The following MALRD1 variants were observed in gnomAD, a reference collection of about 807,000 sequenced individuals.
MALRD1 encodes the protein MAM and LDL receptor class A domain containing 1, also known as MAM and LDL-receptor class A domain-containing protein 1.
A neutral mutation model predicts 242.1 loss-of-function variants in MALRD1; 247 were observed. That is an observed-to-expected ratio of 1.02 (90% confidence interval 0.92 to 1.13). The LOEUF (loss-of-function observed/expected upper bound fraction) is 1.13, where lower values mean the gene tolerates loss of function less well. Ranked by LOEUF, MALRD1 falls within the 50% of genes most tolerant of loss-of-function variation. MALRD1 has a pLI of 0.00. For synonymous variants in MALRD1, 995 were observed against 866.6 expected (o/e 1.15, Z -2.60); for missense variants, 2,989 against 2,533.1 (o/e 1.18, Z -3.86).
intron 31 of MALRD1, among the ~76,000 whole-genome samples, chr10:19,511,095 AC>A (rs1339495022): frequency 6.6e-6 from 1 of 152,210 alleles, no homozygotes; most frequent in Non-Finnish European, 1.5e-5. Context: ...CTGATTTCTA[AC>A]CATAACTTTA....
chr10:19,617,195 C>G (rs559650178), intron 36 of MALRD1, among the ~76,000 whole-genome samples: 4 of 152,036 alleles, frequency 2.6e-5, no homozygotes, highest in African/African-American at 9.6e-5. Flanking sequence ...CTTGGCAACA[C>G]TCTCGTAGTC....
At chr10:19,456,079 C>A (rs563791512) in intron 29 of MALRD1, among the ~76,000 whole-genome samples, 1 of 152,022 alleles carries the variant, frequency 6.6e-6, no homozygotes, top group Non-Finnish European at 1.5e-5. Flanking sequence ...GAATGATGAC[C>A]AGTTTTCAGT....
At chr10:19,124,370 G>A (rs909213295) in intron 6 of MALRD1, among the ~76,000 whole-genome samples, 154 bp from the exon 7 acceptor site, 14 of 152,134 alleles carry the variant, frequency 9.2e-5, no homozygotes, top group Admixed American at 2.6e-4. Flanking sequence ...TGGTACACTC[G>A]AAGGCTTATT....
chr10:19,417,980 C>T lies in MALRD1; in HGVS notation c.4845+28371C>T, dbSNP rs193101106. Among the ~76,000 whole-genome samples the T allele has an allele frequency of 1.2e-3, 190 of 152,126 alleles. 1 individual carries two copies. The Middle Eastern group carries it at 0.017, about 14-fold the overall frequency. The stretch of plus-strand genomic sequence containing the variant: ...TACAACAGCAAACCACACATACACA[C>T]GCACACACACACACATACACACACC... On this transcript the variant is annotated intron_variant, in intron 28 of 39. Transcript: ENST00000454679.
intron 36 of MALRD1, among the ~76,000 whole-genome samples, chr10:19,662,293 T>C (rs1841478149): frequency 6.6e-6 from 1 of 152,124 alleles, no homozygotes; most frequent in Non-Finnish European, 1.5e-5. Context: ...TGAATGGAAG[T>C]TAAAGGACCT....
At chr10:19,387,997 G>A (rs1846157627) in intron 27 of MALRD1, among the ~76,000 whole-genome samples, 4 of 152,158 alleles carry the variant, frequency 2.6e-5, no homozygotes, top group Non-Finnish European at 5.9e-5. Context: ...CTGCATGCTG[G>A]AAGTTCAAGA....
At chr10:19,159,958 G>A (rs183128408) in intron 12 of MALRD1, among the ~76,000 whole-genome samples, 27 of 152,134 alleles carry the variant, frequency 1.8e-4, no homozygotes, top group Admixed American at 1.8e-3. Flanking sequence ...AATAATTGGA[G>A]CTTCCATTTT....
rs192089532 is a variant in MALRD1, at chr10:19,239,857, T to C, written c.2992-17827T>C. On this transcript the variant is annotated intron_variant, in intron 18 of 39. Coordinates refer to ENST00000454679, the MANE Select transcript of MALRD1 (RefSeq NM_001142308.3). Reference sequence around the variant, plus strand: ...CTGTATATTCTGTTCCATTGGTCTATGTGTTTGCTTTATGGCAGTGCCATG... The same window carrying C: ...CTGTATATTCTGTTCCATTGGTCTACGTGTTTGCTTTATGGCAGTGCCATG... Among the ~76,000 whole-genome samples, 8 of 152,292 alleles carry C rather than the reference T, an allele frequency of 5.3e-5. No individual in the cohort carries two copies. The East Asian group carries it at 9.6e-4, about 18-fold the overall frequency.
At chr10:19,299,052 G>A (rs76609605) in intron 21 of MALRD1, among the ~76,000 whole-genome samples, 7,041 of 151,838 alleles carry the variant, frequency 0.046, 283 homozygotes, top group African/African-American at 0.11. Context: ...CTACAAAAGA[G>A]ATGTCTACAA....
chr10:19,575,940 C>G (rs1836800919), intron 33 of MALRD1, among the ~76,000 whole-genome samples: 1 of 152,148 alleles, frequency 6.6e-6, no homozygotes, highest in African/African-American at 2.4e-5. Flanking sequence ...GTTGTCATTT[C>G]CAGAAAGATA....
In MALRD1 at chr10:19,513,505, C is replaced by T. The variant is rs185901652; in HGVS notation, c.5320+14859C>T. On this transcript the variant is annotated intron_variant, in intron 31 of 39. Transcript: ENST00000454679. ...CTGTAATCTCAGCACTTTGGGAGGC[C>T]GAGGCGGGCGGATCACGAGGTCAGG... is the stretch of plus-strand genomic sequence containing the variant. 2.4e-3 allele frequency among the ~76,000 whole-genome samples: 369 copies of T among 151,410 alleles called. 7 individuals are homozygous for T. In the East Asian group the frequency reaches 0.05, roughly 21 times the overall value.
intron 28 of MALRD1, among the ~76,000 whole-genome samples, chr10:19,446,522 C>T (rs2131016798): frequency 6.6e-6 from 1 of 152,238 alleles, no homozygotes; most frequent in East Asian, 1.9e-4. Context: ...GGAGATCTGT[C>T]TATTAATATG....
intron 30 of MALRD1, among the ~76,000 whole-genome samples, chr10:19,492,312 C>G (rs533402649): frequency 6.6e-6 from 1 of 151,978 alleles, no homozygotes; most frequent in Non-Finnish European, 1.5e-5. Flanking sequence ...GATACCATAC[C>G]AGCTACCTGT....
chr10:19,142,614 C>T (rs758629604), intron 10 of MALRD1, among the ~76,000 whole-genome samples: 2 of 152,042 alleles, frequency 1.3e-5, no homozygotes, highest in African/African-American at 2.4e-5. Context: ...TCTCATACTG[C>T]GCTTAGAGAT....
intron 32 of MALRD1, among the ~76,000 whole-genome samples, chr10:19,566,374 C>T (rs372364814): frequency 1.4e-5 from 2 of 144,866 alleles, no homozygotes; most frequent in Admixed American, 7.2e-5. Context: ...CTCCTGACCT[C>T]GTGATCTGCC....
intron 26 of MALRD1, among the ~76,000 whole-genome samples, chr10:19,365,884 G>A (rs1434154217): frequency 6.6e-6 from 1 of 151,786 alleles, no homozygotes; most frequent in African/African-American, 2.4e-5. Context: ...TCTCCTTCCC[G>A]GTAATACTGC....
At chr10:19,435,138 AT>A (rs1834300213) in intron 28 of MALRD1, among the ~76,000 whole-genome samples, 1 of 149,298 alleles carries the variant, frequency 6.7e-6, no homozygotes, top group East Asian at 1.9e-4. Flanking sequence ...TATAATATAT[AT>A]TTTATTTTAT....
At chr10:19,653,165 C>G (rs1283360941) in intron 36 of MALRD1, among the ~76,000 whole-genome samples, 2 of 152,086 alleles carry the variant, frequency 1.3e-5, no homozygotes, top group Non-Finnish European at 2.9e-5. Context: ...TGATCAGTTT[C>G]CATCTCTTGC....
intron 33 of MALRD1, among the ~76,000 whole-genome samples, chr10:19,594,849 TG>T (rs1172436747): frequency 2.0e-5 from 3 of 152,114 alleles, no homozygotes; most frequent in Non-Finnish European, 4.4e-5. Flanking sequence ...ATTGGGCATG[TG>T]GTGAGAAATA....
Sources: allele counts gnomAD v4.1 joint callset (sites outside exome capture counted in the v4.1 genomes callset), GRCh38; gene constraint gnomAD v4.1.1; transcripts MANE v1.5; gene names NCBI Gene and HGNC (gene_info 2026-07-23, HGNC 2026-07-21).